Variants in SRPK2 observed in about 807,000 individuals in gnomAD.
The protein encoded by SRPK2 is SFRS protein kinase 2.
In SRPK2, 21 loss-of-function variants were observed where a neutral mutation model predicts 90.8. The observed-to-expected ratio is 0.23, with a 90% confidence interval of 0.16 to 0.33. The LOEUF is 0.33. Among genes scored for constraint, SRPK2 ranks in the 10% least tolerant of loss-of-function variants. The pLI is 1.00. For missense variants in SRPK2, 620 were observed against 869.0 expected (o/e 0.71, Z 3.60); for synonymous variants, 288 against 311.1 (o/e 0.93, Z 0.78).
chr7:105,255,951 G>A (rs981585872), intron 2 of SRPK2, among the ~76,000 whole-genome samples: 7 of 151,004 alleles, frequency 4.6e-5, no homozygotes, highest in East Asian at 1.9e-4. Context: ...GAGAGAGAGC[G>A]AGAACAAGAA....
At chr7:105,211,953 A>G (rs1199006315) in intron 2 of SRPK2, among the ~76,000 whole-genome samples, 1 of 152,202 alleles carries the variant, frequency 6.6e-6, no homozygotes. Flanking sequence ...TTGCTGCCTG[A>G]TCACCTCACT....
intron 3 of SRPK2, among the ~76,000 whole-genome samples, chr7:105,201,635 G>GAAAA (rs10675341): frequency 2.7e-5 from 4 of 146,006 alleles, no homozygotes; most frequent in Admixed American, 6.8e-5. Context: ...GCTACCAGAA[G>GAAAA]AAAAAAAAAA....
At chr7:105,394,343 A>G (rs956178873), upstream of SRPK2, among the ~76,000 whole-genome samples, 11 of 151,860 alleles carry the variant, frequency 7.2e-5, no homozygotes, top group African/African-American at 2.7e-4. Flanking sequence ...GGGTTTCACC[A>G]TATTGGCCAG....
chr7:105,367,022 A>G (rs1438538452), intron 2 of SRPK2, among the ~76,000 whole-genome samples: 1 of 152,036 alleles, frequency 6.6e-6, no homozygotes, highest in African/African-American at 2.4e-5. Flanking sequence ...TGCACTAAAC[A>G]TAGTGAAATA....
intron 2 of SRPK2, among the ~76,000 whole-genome samples, chr7:105,217,095 T>C (rs962218592): frequency 1.3e-5 from 2 of 152,234 alleles, no homozygotes; most frequent in Non-Finnish European, 2.9e-5. Flanking sequence ...TACAGGCCTT[T>C]TGGCATATCT....
At chr7:105,274,160 C>G (rs776686117) in intron 2 of SRPK2, among the ~76,000 whole-genome samples, 4 of 152,316 alleles carry the variant, frequency 2.6e-5, no homozygotes, top group Admixed American at 6.5e-5. Context: ...ACTGACCTTT[C>G]TGGTCTTAAA....
chr7:105,188,755 C>T (rs1408609377), intron 3 of SRPK2, among the ~76,000 whole-genome samples: 2 of 152,068 alleles, frequency 1.3e-5, no homozygotes, highest in East Asian at 3.9e-4. Flanking sequence ...AAATTAGCAC[C>T]AAATGGGAAA....
chr7:105,245,056 C>CACACACACAT (rs1481309791), intron 2 of SRPK2: 27 of 655,198 alleles, frequency 4.1e-5, no homozygotes, highest in Non-Finnish European at 6.3e-5. Flanking sequence ...CACACACACA[C>CACACACACAT]ACACACACAC....
chr7:105,185,000 G>C (rs1266934668), intron 3 of SRPK2, among the ~76,000 whole-genome samples: 1 of 152,090 alleles, frequency 6.6e-6, no homozygotes, highest in East Asian at 1.9e-4. Context: ...CTTTCCTCCA[G>C]AATAAAGAAC....
At chr7:105,255,137 GA>G (rs1355586513) in intron 2 of SRPK2, among the ~76,000 whole-genome samples, 1 of 146,882 alleles carries the variant, frequency 6.8e-6, no homozygotes, top group Non-Finnish European at 1.5e-5. Flanking sequence ...AAGATATGTA[GA>G]AAAAAAGTTA....
intron 2 of SRPK2, among the ~76,000 whole-genome samples, chr7:105,254,837 A>G (rs185912123): frequency 5.4e-5 from 8 of 148,450 alleles, no homozygotes; most frequent in African/African-American, 9.7e-5. Flanking sequence ...TTACAGGTGT[A>G]CACCACCACA....
At chr7:105,168,745 ATGTG>A (rs58073613) in intron 4 of SRPK2, among the ~76,000 whole-genome samples, 6,247 of 104,008 alleles carry the variant, frequency 0.06, 515 homozygotes, top group African/African-American at 0.18. Context: ...CACGCACCAA[ATGTG>A]TGTGTGTGTG....
chr7:105,162,050 A>AT (rs1016194440), intron 6 of SRPK2, among the ~76,000 whole-genome samples: 3 of 151,528 alleles, frequency 2.0e-5, no homozygotes, highest in South Asian at 2.1e-4. Flanking sequence ...GCCCAGCTTA[A>AT]TTTTTTTTTG....
chr7:105,226,425 GGATTA>G (rs1460130949), intron 2 of SRPK2, among the ~76,000 whole-genome samples: 1 of 151,948 alleles, frequency 6.6e-6, no homozygotes, highest in Non-Finnish European at 1.5e-5. Flanking sequence ...CGAGTAGCTG[GGATTA>G]CAGGTGCGCG....
chr7:105,389,266 T>C (rs1215512050), upstream of SRPK2: 1 of 1,269,554 alleles, frequency 7.9e-7, no homozygotes, highest in Admixed American at 2.4e-5. Flanking sequence ...CGCCGCCCGC[T>C]GCTCCATGCG....
chr7:105,361,375 A>G (rs1210149443), intron 2 of SRPK2, among the ~76,000 whole-genome samples: 2 of 152,214 alleles, frequency 1.3e-5, no homozygotes, highest in Non-Finnish European at 2.9e-5. Context: ...GGAAGAATCA[A>G]TATCGTGAAA....
At chr7:105,149,578 TTGTCTC>T (rs1805307968) in intron 7 of SRPK2, among the ~76,000 whole-genome samples, 2 of 152,144 alleles carry the variant, frequency 1.3e-5, no homozygotes, top group African/African-American at 4.8e-5. Context: ...TCTCTATACT[TTGTCTC>T]TGTGTCTTAT....
At chr7:105,265,226 C>A (rs1359315596) in intron 2 of SRPK2, among the ~76,000 whole-genome samples, 2 of 151,768 alleles carry the variant, frequency 1.3e-5, no homozygotes, top group East Asian at 1.9e-4. Context: ...CACTACAGAT[C>A]AAAAATATTT....
chr7:105,369,366 T>A (rs1256473741), intron 2 of SRPK2, among the ~76,000 whole-genome samples: 1 of 152,024 alleles, frequency 6.6e-6, no homozygotes, highest in East Asian at 1.9e-4. Flanking sequence ...CAGGCTGGTA[T>A]CGAACTCCTG....
Sources: gnomAD v4.1 joint callset for allele counts (sites outside exome capture counted in the v4.1 genomes callset) on GRCh38, gnomAD v4.1.1 for gene constraint, MANE v1.5 for transcripts, NCBI Gene and HGNC (gene_info 2026-07-23, HGNC 2026-07-21) for gene names.